The following MZT2B variants were observed in gnomAD, a reference collection of about 807,000 sequenced individuals.
MZT2B encodes the protein mitotic spindle organizing protein 2B, also known as mitotic-spindle organizing protein 2B.
A neutral mutation model predicts 12.1 loss-of-function variants in MZT2B; 11 were observed. That is an observed-to-expected ratio of 0.91 (90% CI 0.57 to 1.50). The LOEUF (loss-of-function observed/expected upper bound fraction) is 1.50. MZT2B is among the 40% of genes most tolerant of loss of function. The pLI is 0.00. For synonymous variants in MZT2B, 85 were observed against 109.5 expected, an observed-to-expected ratio of 0.78 and a Z score of 1.40; for missense variants, 209 against 227.7, an observed-to-expected ratio of 0.92 and a Z score of 0.53.
downstream of MZT2B, among the ~76,000 whole-genome samples, chr2:130,194,893 G>A (rs919513532): frequency 2.0e-5 from 3 of 152,106 alleles, no homozygotes; most frequent in African/African-American, 7.2e-5. Flanking sequence ...GGCCAGGCTG[G>A]TCTCAAACTC....
chr2:130,181,726 G>A, upstream of MZT2B: 1 of 1,549,012 alleles, frequency 6.5e-7, no homozygotes, highest in Non-Finnish European at 8.7e-7. Flanking sequence ...GAAATGGCGA[G>A]GCAGGAGTGC....
At chr2:130,201,066 A>G in the MZT2B span, among the ~76,000 whole-genome samples, 1 of 152,230 alleles carries the variant, frequency 6.6e-6, no homozygotes, top group Non-Finnish European at 1.5e-5. Context: ...AGAGCAGAGA[A>G]GAGAGAGGGA....
chr2:130,193,388 C>T (rs1690317403), downstream of MZT2B, among the ~76,000 whole-genome samples: 1 of 151,938 alleles, frequency 6.6e-6, no homozygotes, highest in Non-Finnish European at 1.5e-5. Flanking sequence ...GCAGGCAGAT[C>T]ACCTGAGGTC....
intron 2 of MZT2B, among the ~76,000 whole-genome samples, chr2:130,188,702 C>T (rs1690151181): frequency 6.6e-6 from 1 of 152,128 alleles, no homozygotes; most frequent in African/African-American, 2.4e-5. Context: ...TGAGGAAGAA[C>T]TCCCCGGAAA....
At chr2:130,193,691 A>G, downstream of MZT2B, 2 of 1,472,532 alleles carry the variant, frequency 1.4e-6, no homozygotes, top group Non-Finnish European at 9.2e-7. Flanking sequence ...CCCATGGAAC[A>G]GGGATAGTCT....
chr2:130,198,434 T>G, the MZT2B span: 2 of 1,344,262 alleles, frequency 1.5e-6, 1 homozygote, highest in Non-Finnish European at 2.0e-6. Context: ...AGCGCCCAAC[T>G]GCAATGACCT....
chr2:130,193,883 CT>C (rs772219379), downstream of MZT2B: 24 of 1,614,134 alleles, frequency 1.5e-5, no homozygotes, highest in African/African-American at 2.5e-4. Context: ...CACGTCCCCC[CT>C]GTACAACATG....
At chr2:130,193,173 A>G (rs1423976575), downstream of MZT2B, among the ~76,000 whole-genome samples, 1 of 150,648 alleles carries the variant, frequency 6.6e-6, no homozygotes, top group Non-Finnish European at 1.5e-5. Context: ...GAGAATCGCT[A>G]GAGTCTGGGA....
chr2:130,182,047 GACCCCTGCGGTCCGCCATGCC>G, upstream of MZT2B: 1 of 1,348,568 alleles, frequency 7.4e-7, no homozygotes, highest in Non-Finnish European at 9.6e-7. Flanking sequence ...CCAAGCAGCG[GACCCCTGCGGTCCGCCATGCC>G]ACTCCCGGCT....
At chr2:130,185,042 G>A in intron 2 of MZT2B, 4 of 283,342 alleles carry the variant, frequency 1.4e-5, no homozygotes, top group Non-Finnish European at 2.1e-5. Flanking sequence ...GGGCGCGGTG[G>A]CTCACGCCTG....
intron 2 of MZT2B, among the ~76,000 whole-genome samples, chr2:130,190,171 TAA>T (rs1016754579): frequency 3.3e-5 from 5 of 152,172 alleles, no homozygotes; most frequent in Non-Finnish European, 7.4e-5. Flanking sequence ...TACCTTTCCC[TAA>T]ATGGGCCCGT....
chr2:130,191,987 A>G (rs149620592), downstream of MZT2B: 4 of 1,614,042 alleles, frequency 2.5e-6, no homozygotes, highest in Non-Finnish European at 1.7e-6. Flanking sequence ...CCCACTTGGC[A>G]TACATGAGAT....
At chr2:130,194,813 C>T (rs2407483), downstream of MZT2B, among the ~76,000 whole-genome samples, 1 of 152,114 alleles carries the variant, frequency 6.6e-6, no homozygotes, top group Non-Finnish European at 1.5e-5. Context: ...AAGTAGCTGG[C>T]AGTACAGGTG....
intron 2 of MZT2B, chr2:130,184,710 G>C (rs2104724053): frequency 1.0e-6 from 1 of 985,454 alleles, no homozygotes; most frequent in South Asian, 4.7e-5. Flanking sequence ...GTGTCCAGCA[G>C]GAGGGAGAAA....
chr2:130,202,528 T>C, the MZT2B span: 1 of 1,169,678 alleles, frequency 8.5e-7, no homozygotes, highest in Non-Finnish European at 1.1e-6. Flanking sequence ...ACAGACCTCC[T>C]TGGGACTCCC....
chr2:130,203,495 G>A, the MZT2B span, among the ~76,000 whole-genome samples: 1 of 152,018 alleles, frequency 6.6e-6, no homozygotes, highest in African/African-American at 2.4e-5. Flanking sequence ...GGTCATCAGT[G>A]CAGCAAGTGG....
intron 2 of MZT2B, 63 bp from the exon 3 acceptor site, chr2:130,190,406 A>G: frequency 1.9e-6 from 3 of 1,592,708 alleles, no homozygotes; most frequent in Non-Finnish European, 2.6e-6. Context: ...GACCACGAGT[A>G]CAGCAGGTGC....
At chr2:130,183,092 G>C (rs990544276) in intron 2 of MZT2B, 1 of 500,446 alleles carries the variant, frequency 2.0e-6, no homozygotes, top group African/African-American at 2.0e-5. Flanking sequence ...GTTTGGGGCT[G>C]GGCGCCCTGG....
chr2:130,195,506 A>C (rs1180824696), downstream of MZT2B, among the ~76,000 whole-genome samples: 1 of 152,244 alleles, frequency 6.6e-6, no homozygotes, highest in Non-Finnish European at 1.5e-5. Context: ...ACTCCTACTC[A>C]GGTACATAAT....
Sources: gnomAD v4.1 joint callset for allele counts (sites outside exome capture counted in the v4.1 genomes callset) on GRCh38, gnomAD v4.1.1 for gene constraint, MANE v1.5 for transcripts, NCBI Gene and HGNC (gene_info 2026-07-23, HGNC 2026-07-21) for gene names.